The following ZNF639 variants were observed in gnomAD, a reference collection of about 807,000 sequenced individuals.
ZNF639 encodes the protein zinc finger amplified in esophageal squamous cell carcinomas 1.
Under a neutral mutation model 39.8 loss-of-function variants are expected in ZNF639, and 20 were observed. The ratio of observed to expected loss-of-function variants is 0.50; its 90% CI spans 0.35 to 0.73. The LOEUF is 0.73. ZNF639 is among the 30% of genes least tolerant of loss of function. The pLI, the probability that ZNF639 is intolerant of heterozygous loss-of-function variation, is 0.00. For synonymous variants in ZNF639, 176 were observed against 189.8 expected, an observed-to-expected ratio of 0.93 and a Z score of 0.60; for missense variants, 477 against 566.2, an observed-to-expected ratio of 0.84 and a Z score of 1.60.
chr3:179,323,359 C>T (rs1243916432), intron 1 of ZNF639, 68 bp downstream of exon 1: 1 of 985,726 alleles, frequency 1.0e-6, no homozygotes, highest in Non-Finnish European at 1.2e-6. Flanking sequence ...CGTGCGGGCG[C>T]ATCTTCTAAC....
intron 1 of ZNF639, chr3:179,323,763 C>G (rs1727419663): frequency 6.6e-6 from 1 of 152,246 alleles, no homozygotes; most frequent in Non-Finnish European, 1.5e-5. Context: ...CGGGCTCGCG[C>G]AACGAGTTGT....
rs73043442 is a variant in ZNF639 at position 179,336,532 on chromosome 3, C to A, written c.*2110C>A. 6.6e-6 allele frequency: 1 copy of A among 152,068 alleles called. No homozygotes were observed. The highest frequency in any genetic ancestry group is 6.5e-5 in the Admixed American group (1 of 15,268). 9.4% of individuals were successfully genotyped at this position (152,068 alleles called of 1,614,324 possible). A position where few individuals can be genotyped will look rare whatever the true frequency, so the allele number is the denominator to read the frequency against. On this transcript the variant is annotated 3_prime_UTR_variant, in exon 6 of 6. Coordinates refer to ENST00000496856, the MANE Select transcript of ZNF639 (RefSeq NM_001303426.2). ...CCATCTAATTATAACATTCCTGTTA[C>A]GGCTGATAACAAATGTTTCTCAGAA... is the stretch of plus-strand genomic sequence containing the variant.
chr3:179,328,006 T>C (rs145443919), intron 2 of ZNF639: 3,374 of 253,066 alleles, frequency 0.013, 134 homozygotes, highest in South Asian at 0.1. Flanking sequence ...ATGTGGTTTA[T>C]TGTAATTATC....
intron 1 of ZNF639, 27 bp from the exon 2 acceptor site, chr3:179,327,534 A>C (rs916576417): frequency 1.6e-4 from 25 of 152,212 alleles, no homozygotes; most frequent in African/African-American, 6.0e-4. Context: ...TTTTTGCTTA[A>C]TAACTTCTTT....
At position 179,334,355 on chromosome 3, in the gene ZNF639, A is replaced by G; in HGVS notation, c.1391A>G (p.Asp464Gly). ...GCTGACTTGCCTCATAAATGTAGTG[A>G]CTGCTTGATGAGGTTTGGAAATGAA... ...HSADLPHKCS[D>G]CLMRFGNERE... is the part of the protein sequence containing the mutation. Residue 464 changes from aspartate (D) to glycine (G), a missense_variant, in exon 6 of 6, where the codon GAC becomes GGC. Transcript: ENST00000496856. The G allele has an allele frequency of 6.2e-7, 1 of 1,606,776 alleles. No homozygotes were observed. The highest frequency in any genetic ancestry group is 8.5e-7 in the Non-Finnish European group (1 of 1,177,092).
At chr3:179,331,391 C>G (rs1481031901) in intron 4 of ZNF639, among the ~76,000 whole-genome samples, 1 of 152,202 alleles carries the variant, frequency 6.6e-6, no homozygotes, top group African/African-American at 2.4e-5. Context: ...TATGTAGCTA[C>G]TCCTCCCTCT....
In ZNF639 at chr3:179,336,889, C is replaced by T. The variant is rs1023061914; in HGVS notation, c.*2467C>T. 3 of 152,140 alleles carry T rather than the reference C, an allele frequency of 2.0e-5. No homozygotes were observed. Among genetic ancestry groups the T allele is most frequent in the African/African-American group, 7.2e-5 (3 of 41,418 alleles). 9.4% of individuals were successfully genotyped at this position (152,140 alleles called of 1,614,324 possible). Reference sequence around the variant, plus strand: ...AGGAATTGGATTTTTGGAAAAACACCTTAAGTAATGCCTTGGTTTGTTTGT... The same window carrying T: ...AGGAATTGGATTTTTGGAAAAACACTTTAAGTAATGCCTTGGTTTGTTTGT... On this transcript the variant is annotated 3_prime_UTR_variant, in exon 6 of 6. Transcript: ENST00000496856.
At chr3:179,331,908 A>G (rs988002562) in intron 4 of ZNF639, among the ~76,000 whole-genome samples, 6 of 152,174 alleles carry the variant, frequency 3.9e-5, no homozygotes, top group African/African-American at 1.4e-4. Context: ...AGTGATGAAA[A>G]TGGCAATTTA....
In ZNF639 at chr3:179,333,090, C is replaced by G; in HGVS notation, c.271C>G (p.Leu91Val). ...GAACTACCTGGTTCCCAGTCCTGTA[C>G]TTAGAATTCTAGACCACACTGCCTT... ...NQNYLVPSPVLRILDHTAFST... is the reference protein window; with the variant it reads ...NQNYLVPSPVVRILDHTAFST... The change falls in exon 5 of 6, where the codon CTT becomes GTT. Residue 91 changes from leucine (L) to valine (V), a missense_variant. Leu to Val is a conservative substitution (Grantham distance 32). Coordinates refer to ENST00000496856, the MANE Select transcript of ZNF639 (RefSeq NM_001303426.2). 1 of 1,602,318 alleles carries G rather than the reference C, an allele frequency of 6.2e-7. No homozygotes were observed. The highest frequency in any genetic ancestry group is 8.5e-7 in the Non-Finnish European group (1 of 1,173,686).
At chr3:179,329,051 TAAGAA>T (rs879441669) in intron 3 of ZNF639, among the ~76,000 whole-genome samples, 3 of 152,182 alleles carry the variant, frequency 2.0e-5, no homozygotes, top group Non-Finnish European at 4.4e-5. Context: ...GTTGGCAGTA[TAAGAA>T]AAGGGGTCTT....
At chr3:179,329,560 G>A in intron 3 of ZNF639, 58 bp from the exon 4 acceptor site, 1 of 948,850 alleles carries the variant, frequency 1.1e-6, no homozygotes, top group East Asian at 2.5e-5. Context: ...ATAACGGGAA[G>A]TTTCTCATTA....
Position 179,334,442 on chromosome 3 carries a change from G to C in ZNF639, c.*20G>C. On this transcript the variant is annotated 3_prime_UTR_variant, in exon 6 of 6. Coordinates refer to ENST00000496856, the MANE Select transcript of ZNF639 (RefSeq NM_001303426.2). ...ACTTGATTATTCTCTTTAACTTACAGAATGTTAGTTTAAAATAATAAATTC... is the reference window on the plus strand; with the variant it reads ...ACTTGATTATTCTCTTTAACTTACACAATGTTAGTTTAAAATAATAAATTC... 6.8e-7 allele frequency: 1 copy of C among 1,467,142 alleles called. No individual in the cohort carries two copies. Among genetic ancestry groups the C allele is most frequent in the Non-Finnish European group, 9.1e-7 (1 of 1,103,666 alleles). The allele number at this position is 1,467,142 out of a possible 1,614,324, so 90.9% of individuals were successfully genotyped here. A position where few individuals can be genotyped will look rare whatever the true frequency, so the allele number is the denominator to read the frequency against.
chr3:179,328,697 A>G (rs1041947516), intron 3 of ZNF639, among the ~76,000 whole-genome samples: 61 of 151,826 alleles, frequency 4.0e-4, no homozygotes, highest in African/African-American at 1.4e-3. Flanking sequence ...GGTAGAAAAT[A>G]TTTTACATTA....
rs546475447 is a variant in ZNF639, at chr3:179,337,382, G to C, written c.*2960G>C. 1 of 151,572 alleles carries C rather than the reference G, an allele frequency of 6.6e-6. No individual in the cohort carries two copies. Among genetic ancestry groups the C allele is most frequent in the East Asian group, 2.0e-4 (1 of 5,098 alleles). The allele number at this position is 151,572 out of a possible 1,614,324, so 9.4% of individuals were successfully genotyped here. On this transcript the variant is annotated 3_prime_UTR_variant, in exon 6 of 6. Coordinates refer to ENST00000496856, the MANE Select transcript of ZNF639 (RefSeq NM_001303426.2). ...CAGACAGTCTTGCTCTGTTGCCCAG[G>C]CTGGAGTGTAGTGGCGTGATCTTGG...
chr3:179,324,384 A>G (rs547474867), intron 1 of ZNF639, among the ~76,000 whole-genome samples: 3 of 152,154 alleles, frequency 2.0e-5, no homozygotes, highest in African/African-American at 7.2e-5. Context: ...CTGCAGTGAC[A>G]CGTGTTACAT....
rs763886869 is a variant in ZNF639, at chr3:179,336,682, A to C, written c.*2260A>C. The C allele has an allele frequency of 2.0e-5, 3 of 152,174 alleles. No homozygotes were observed. Among genetic ancestry groups the C allele is most frequent in the Non-Finnish European group, 4.4e-5 (3 of 68,032 alleles). 9.4% of individuals were successfully genotyped at this position (152,174 alleles called of 1,614,324 possible). ...ATAGCTATGAGGCCAAGTACATATA[A>C]CCAGTTATGTCTCATGGGAGTGGGA... On this transcript the variant is annotated 3_prime_UTR_variant, in exon 6 of 6. Transcript: ENST00000496856.
intron 1 of ZNF639, among the ~76,000 whole-genome samples, chr3:179,325,622 G>A (rs1052278013): frequency 6.6e-6 from 1 of 152,134 alleles, no homozygotes; most frequent in Non-Finnish European, 1.5e-5. Flanking sequence ...GGCCGGGCGC[G>A]GTGGCTCACG....
chr3:179,332,905 CAT>C, intron 4 of ZNF639, 82 bp from the exon 5 acceptor site: 1 of 1,432,650 alleles, frequency 7.0e-7, no homozygotes, highest in East Asian at 2.6e-5. Flanking sequence ...AATTCAAAAT[CAT>C]ATTTAAAAAT....
upstream of ZNF639, chr3:179,322,901 C>A (rs999963751): frequency 2.1e-5 from 21 of 984,892 alleles, no homozygotes; most frequent in Middle Eastern, 5.2e-4. Context: ...GCAGGGGGCG[C>A]GGGCCGCTGG....
Sources: gnomAD v4.1 joint callset for allele counts (sites outside exome capture counted in the v4.1 genomes callset) on GRCh38, gnomAD v4.1.1 for gene constraint, MANE v1.5 for transcripts, NCBI Gene and HGNC (gene_info 2026-07-23, HGNC 2026-07-21) for gene names.